Variants in CFAP299 observed in about 807,000 individuals in gnomAD.
The protein encoded by CFAP299 is cilia and flagella associated protein 299.
CFAP299 carries 21 observed loss-of-function variants against 27.0 expected under a neutral mutation model. The observed-to-expected ratio is 0.78, with a 90% CI of 0.55 to 1.12. CFAP299 has a LOEUF of 1.12. CFAP299 is among the 50% of genes most tolerant of loss of function. CFAP299 has a pLI of 0.00. For missense variants in CFAP299, 310 were observed against 276.6 expected, an observed-to-expected ratio of 1.12 and a Z score of -0.86; for synonymous variants, 104 against 98.1, an observed-to-expected ratio of 1.06 and a Z score of -0.36.
At chr4:80,915,988 GCAGTGGCTCACACCTGTAATCC>G (rs535759008) in intron 4 of CFAP299, among the ~76,000 whole-genome samples, 10 of 151,690 alleles carry the variant, frequency 6.6e-5, no homozygotes, top group African/African-American at 2.4e-4. Context: ...AGGGCTGGGT[GCAGTGGCTCACACCTGTAATCC>G]CAGCACTTTG....
intron 3 of CFAP299, among the ~76,000 whole-genome samples, chr4:80,825,200 A>G (rs1008614883): frequency 3.3e-5 from 5 of 151,910 alleles, no homozygotes; most frequent in Non-Finnish European, 7.4e-5. Context: ...TGAAGATAAG[A>G]CACTGGAAAT....
At chr4:80,462,779 G>A (rs955138733) in intron 2 of CFAP299, among the ~76,000 whole-genome samples, 1 of 151,992 alleles carries the variant, frequency 6.6e-6, no homozygotes, top group African/African-American at 2.4e-5. Context: ...GTCCCAAAGG[G>A]CCCTCATTAG....
At chr4:80,325,963 C>A in the CFAP299 span, among the ~76,000 whole-genome samples, 2 of 152,190 alleles carry the variant, frequency 1.3e-5, no homozygotes, top group Non-Finnish European at 2.9e-5. Context: ...TATCCACAGG[C>A]TGAAATTTAT....
At chr4:80,659,280 A>G (rs1388736032) in intron 3 of CFAP299, among the ~76,000 whole-genome samples, 2 of 152,072 alleles carry the variant, frequency 1.3e-5, no homozygotes, top group Non-Finnish European at 2.9e-5. Flanking sequence ...CTGCAGAGGT[A>G]AAGTTTAAAA....
At chr4:80,870,691 T>C (rs1733033395) in intron 4 of CFAP299, 1 of 985,298 alleles carries the variant, frequency 1.0e-6, no homozygotes, top group South Asian at 4.7e-5. Flanking sequence ...GTTCTTCTAC[T>C]CCCTTCTAAA....
At chr4:80,713,935 A>T (rs910878189) in intron 3 of CFAP299, among the ~76,000 whole-genome samples, 1 of 152,144 alleles carries the variant, frequency 6.6e-6, no homozygotes, top group African/African-American at 2.4e-5. Flanking sequence ...ATGAATATTC[A>T]AACTCCAGGA....
intron 2 of CFAP299, among the ~76,000 whole-genome samples, chr4:80,550,467 T>A (rs141504390): frequency 8.5e-5 from 13 of 152,258 alleles, no homozygotes; most frequent in Admixed American, 4.6e-4. Context: ...AGACAAATTA[T>A]GCATTTTATA....
chr4:80,465,874 G>A (rs566120153), intron 2 of CFAP299, among the ~76,000 whole-genome samples: 16 of 152,218 alleles, frequency 1.1e-4, no homozygotes. Context: ...AAAACAACAA[G>A]AAAAGGAATG....
At chr4:80,423,686 C>T (rs979594914) in intron 2 of CFAP299, among the ~76,000 whole-genome samples, 5 of 152,288 alleles carry the variant, frequency 3.3e-5, no homozygotes, top group Middle Eastern at 3.4e-3. Flanking sequence ...GGCAGTCTGG[C>T]GAGCAGATCT....
Position 80,851,139 on chromosome 4 carries a change from G to A in CFAP299, c.334-18854G>A, listed in dbSNP as rs577518980. On this transcript the variant is annotated intron_variant, in intron 3 of 5. Transcript: ENST00000358105. ...AAAAACCTCAAAACTGGAGATAAACGATTTAAAAGCTTCTGGTGTATAAGT... is the reference window on the plus strand; with the variant it reads ...AAAAACCTCAAAACTGGAGATAAACAATTTAAAAGCTTCTGGTGTATAAGT... 5.9e-5 allele frequency among the ~76,000 whole-genome samples: 9 copies of A among 152,160 alleles called. No homozygotes were observed. The South Asian group carries it at 1.0e-3, about 18-fold the overall frequency.
the CFAP299 span, among the ~76,000 whole-genome samples, chr4:80,327,116 T>C: frequency 2.0e-5 from 3 of 152,018 alleles, no homozygotes; most frequent in Non-Finnish European, 4.4e-5. Context: ...GTGGATCATA[T>C]AAAGATGTAA....
chr4:80,721,942 C>A (rs574579670), intron 3 of CFAP299, among the ~76,000 whole-genome samples: 2 of 152,024 alleles, frequency 1.3e-5, no homozygotes, highest in African/African-American at 4.8e-5. Context: ...CACTATAAAA[C>A]CTGTCAAAGA....
At chr4:80,624,759 T>C (rs1421187109) in intron 3 of CFAP299, among the ~76,000 whole-genome samples, 1 of 151,964 alleles carries the variant, frequency 6.6e-6, no homozygotes, top group East Asian at 1.9e-4. Flanking sequence ...AAATTATGTA[T>C]AAAAATGTTT....
At chr4:80,783,557 T>C (rs1487776613) in intron 3 of CFAP299, among the ~76,000 whole-genome samples, 6 of 152,222 alleles carry the variant, frequency 3.9e-5, no homozygotes, top group African/African-American at 1.4e-4. Flanking sequence ...ACTTCTTTAA[T>C]GTTTCTATCA....
intron 2 of CFAP299, chr4:80,386,558 G>A (rs1203208374): frequency 1.9e-6 from 3 of 1,596,018 alleles, no homozygotes; most frequent in East Asian, 4.5e-5. Context: ...TTCCTTCTGG[G>A]GGCCGAGACG....
intron 3 of CFAP299, among the ~76,000 whole-genome samples, chr4:80,722,823 C>T (rs571690111): frequency 1.1e-4 from 16 of 152,092 alleles, no homozygotes; most frequent in African/African-American, 3.6e-4. Context: ...TGGCGTGAAC[C>T]CCGGGGGGCA....
chr4:80,321,832 T>C, the CFAP299 span, among the ~76,000 whole-genome samples: 11 of 151,968 alleles, frequency 7.2e-5, no homozygotes, highest in Non-Finnish European at 1.5e-5. Context: ...CCAAGAATAA[T>C]AAGGAGGTCA....
At chr4:80,556,115 C>G (rs1352064404) in intron 2 of CFAP299, among the ~76,000 whole-genome samples, 1 of 152,070 alleles carries the variant, frequency 6.6e-6, no homozygotes, top group Non-Finnish European at 1.5e-5. Context: ...AACTCCTATT[C>G]TACTTCATAT....
chr4:80,910,811 TA>T (rs1008234045), intron 4 of CFAP299, among the ~76,000 whole-genome samples: 56 of 150,166 alleles, frequency 3.7e-4, no homozygotes, highest in South Asian at 8.4e-4. Flanking sequence ...AAATAAAAGT[TA>T]AAAAAAAAAT....
Sources: allele counts gnomAD v4.1 joint callset (sites outside exome capture counted in the v4.1 genomes callset), GRCh38; gene constraint gnomAD v4.1.1; transcripts MANE v1.5; gene names NCBI Gene and HGNC (gene_info 2026-07-23, HGNC 2026-07-21).